Variants in PRKAR2A observed in about 807,000 individuals in gnomAD.
PRKAR2A encodes cAMP-dependent protein kinase type II-alpha regulatory subunit.
Under a neutral mutation model 51.9 loss-of-function variants are expected in PRKAR2A, and 29 were observed. The observed-to-expected ratio is 0.56, with a 90% CI of 0.42 to 0.76. PRKAR2A has a LOEUF of 0.76. PRKAR2A is among the 30% of genes least tolerant of loss of function. PRKAR2A has a pLI of 0.00. For missense variants in PRKAR2A, 445 were observed against 512.1 expected (o/e 0.87, Z 1.26); for synonymous variants, 178 against 186.2 (o/e 0.96, Z 0.36).
chr3:48,841,685 C>T (rs1234226254), intron 1 of PRKAR2A, among the ~76,000 whole-genome samples: 1 of 152,080 alleles, frequency 6.6e-6, no homozygotes, highest in Non-Finnish European at 1.5e-5. Context: ...ATTTTACATT[C>T]CCATGAGTAA....
At chr3:48,766,549 T>A (rs2081945998) in intron 6 of PRKAR2A, among the ~76,000 whole-genome samples, 1 of 151,678 alleles carries the variant, frequency 6.6e-6, no homozygotes, top group African/African-American at 2.4e-5. Flanking sequence ...CTGGGTGACA[T>A]AAGTTGAAAC....
At chr3:48,752,461 G>GGAGTTTACATGGTACAGT in intron 9 of PRKAR2A, 144 bp from the exon 10 acceptor site, 1 of 900,710 alleles carries the variant, frequency 1.1e-6, no homozygotes, top group Non-Finnish European at 1.7e-6. Context: ...ACTGTACCAT[G>GGAGTTTACATGGTACAGT]TAAACTCCAT....
In PRKAR2A at chr3:48,847,370, C is replaced by T; in HGVS notation, c.227G>A (p.Gly76Glu). 6.2e-7 allele frequency: 1 copy of T among 1,613,402 alleles called. No homozygotes were observed. Among genetic ancestry groups the T allele is most frequent in the African/African-American group, 1.3e-5 (1 of 75,024 alleles). The change falls in exon 1 of 11, where the codon GGG becomes GAG. Residue 76 changes from glycine (G) to glutamate (E), a missense_variant. Physicochemically the swap from Gly to Glu is moderately conservative, Grantham distance 98. Transcript: ENST00000265563. This position sits in a 1 kb window ranked among gnomAD's most constrained non-coding sequence, Gnocchi z 4.4. ...PGPDRVADAKGDSESEEDEDL... is the reference protein window; with the variant it reads ...PGPDRVADAKEDSESEEDEDL... ...CTCGTCCTCCTCCGACTCGCTGTCC[C>T]CTTTGGCGTCGGCGACACGGTCCGG...
intron 2 of PRKAR2A, among the ~76,000 whole-genome samples, chr3:48,798,786 G>C (rs2082538561): frequency 6.6e-6 from 1 of 151,498 alleles, no homozygotes; most frequent in Admixed American, 6.6e-5. Context: ...TCAGCCTCCT[G>C]AGTAGCTGGA....
At chr3:48,773,371 T>G (rs1242396366) in intron 5 of PRKAR2A, among the ~76,000 whole-genome samples, 1 of 130,896 alleles carries the variant, frequency 7.6e-6, no homozygotes, top group African/African-American at 3.1e-5. Flanking sequence ...TGAGACGGAG[T>G]CTCGCTCTGT....
chr3:48,772,466 C>T (rs2082042645), intron 6 of PRKAR2A, among the ~76,000 whole-genome samples: 1 of 152,148 alleles, frequency 6.6e-6, no homozygotes, highest in African/African-American at 2.4e-5. Flanking sequence ...CTTGGCCTCC[C>T]CAAGTGCTGG....
intron 8 of PRKAR2A, among the ~76,000 whole-genome samples, chr3:48,761,392 G>A (rs1487810981): frequency 6.6e-6 from 1 of 152,170 alleles, no homozygotes; most frequent in African/African-American, 2.4e-5. Context: ...TTAGCCACGA[G>A]TCAAATGTGG....
intron 9 of PRKAR2A, among the ~76,000 whole-genome samples, chr3:48,753,331 A>G (rs2081696047): frequency 6.6e-6 from 1 of 152,006 alleles, no homozygotes; most frequent in Non-Finnish European, 1.5e-5. Flanking sequence ...AACCAAAGTG[A>G]TAATTTAAGT....
intron 6 of PRKAR2A, among the ~76,000 whole-genome samples, chr3:48,767,299 T>C (rs1351790862): frequency 6.6e-6 from 1 of 151,006 alleles, no homozygotes; most frequent in Non-Finnish European, 1.5e-5. Flanking sequence ...GCCAATATGG[T>C]GAAACCACAT....
intron 8 of PRKAR2A, among the ~76,000 whole-genome samples, chr3:48,763,287 T>C (rs1026334734): frequency 4.6e-5 from 7 of 152,126 alleles, no homozygotes; most frequent in Non-Finnish European, 8.8e-5. Flanking sequence ...GTGAGAGACA[T>C]TGACAAAAGG....
chr3:48,783,180 T>A, intron 4 of PRKAR2A, 88 bp from the exon 5 acceptor site: 1 of 833,736 alleles, frequency 1.2e-6, no homozygotes, highest in Non-Finnish European at 2.0e-6. Context: ...TGTGACTATG[T>A]AACAGAAGTC....
intron 1 of PRKAR2A, among the ~76,000 whole-genome samples, chr3:48,824,958 G>GA (rs927358227): frequency 2.3e-5 from 3 of 128,864 alleles, no homozygotes; most frequent in East Asian, 4.8e-4. Context: ...AAAAGAAAAA[G>GA]AAAAAAAAGG....
chr3:48,754,290 T>G (rs1575834005), intron 9 of PRKAR2A, among the ~76,000 whole-genome samples: 1 of 149,962 alleles, frequency 6.7e-6, no homozygotes, highest in Non-Finnish European at 1.5e-5. Flanking sequence ...CAGGCTGGAG[T>G]GCAATGGTGC....
chr3:48,829,611 TGTGTGTATAC>T (rs1296369517), intron 1 of PRKAR2A, among the ~76,000 whole-genome samples: 2 of 135,522 alleles, frequency 1.5e-5, no homozygotes, highest in Non-Finnish European at 3.1e-5. Flanking sequence ...CATAAATGTG[TGTGTGTATAC>T]GTGTGTATAC....
chr3:48,832,296 C>G (rs1401965771), intron 1 of PRKAR2A, among the ~76,000 whole-genome samples: 2 of 72,608 alleles, frequency 2.8e-5, no homozygotes, highest in African/African-American at 5.1e-5. Flanking sequence ...AACTTCATCT[C>G]AAAAAAAAAA....
At chr3:48,821,486 C>A (rs2082959533) in intron 1 of PRKAR2A, among the ~76,000 whole-genome samples, 1 of 152,012 alleles carries the variant, frequency 6.6e-6, no homozygotes, top group Admixed American at 6.6e-5. Context: ...GATATGAGTT[C>A]TTGAGAGATA....
chr3:48,777,999 G>A (rs1177395524), intron 5 of PRKAR2A, among the ~76,000 whole-genome samples: 1 of 152,152 alleles, frequency 6.6e-6, no homozygotes, highest in Non-Finnish European at 1.5e-5. Flanking sequence ...AGAGCCTCTC[G>A]ACCTTTCCCA....
At chr3:48,843,175 T>C (rs534075534) in intron 1 of PRKAR2A, among the ~76,000 whole-genome samples, 77 of 152,338 alleles carry the variant, frequency 5.1e-4, no homozygotes, top group Admixed American at 2.1e-3. Context: ...CCATTTCTTC[T>C]AGATTTTCTA....
intron 5 of PRKAR2A, among the ~76,000 whole-genome samples, chr3:48,777,613 G>T (rs2082125488): frequency 6.6e-6 from 1 of 152,100 alleles, no homozygotes. Flanking sequence ...CACTGTGTTA[G>T]CCAGGATGGT....
Sources: gnomAD v4.1 joint callset for allele counts (sites outside exome capture counted in the v4.1 genomes callset) on GRCh38, gnomAD v4.1.1 for gene constraint, Gnocchi (gnomAD v3.1) non-coding constraint, MANE v1.5 for transcripts, NCBI Gene and HGNC (gene_info 2026-07-23, HGNC 2026-07-21) for gene names.